RAPGEF5: variants seen among roughly 807,000 people sequenced by gnomAD.
RAPGEF5 encodes Rap guanine nucleotide exchange factor 5, also known as M-Ras-regulated GEF.
A neutral mutation model predicts 125.2 loss-of-function variants in RAPGEF5; 65 were observed. The ratio of observed to expected loss-of-function variants is 0.52; its 90% CI spans 0.43 to 0.64. RAPGEF5 has a LOEUF of 0.64. Among genes scored for constraint, RAPGEF5 ranks in the 30% least tolerant of loss-of-function variants. The probability of loss-of-function intolerance (pLI) is 0.00; values close to 1 mark genes in which losing one functional copy is unlikely to be tolerated. For missense variants in RAPGEF5, 958 were observed against 1,048.1 expected, an observed-to-expected ratio of 0.91 and a Z score of 1.19; for synonymous variants, 391 against 385.9, an observed-to-expected ratio of 1.01 and a Z score of -0.16.
chr7:22,262,361 G>C (rs1263446767), intron 7 of RAPGEF5, among the ~76,000 whole-genome samples: 1 of 151,860 alleles, frequency 6.6e-6, no homozygotes, highest in African/African-American at 2.4e-5. Context: ...ATGACGAAAA[G>C]GTATCACTAT....
At chr7:22,297,801 G>A (rs1562515367) in intron 5 of RAPGEF5, among the ~76,000 whole-genome samples, 1 of 152,180 alleles carries the variant, frequency 6.6e-6, no homozygotes, top group African/African-American at 2.4e-5. Context: ...TGGAAGAGGT[G>A]TACTAAGAGA....
chr7:22,256,845 T>C (rs1786774122), intron 7 of RAPGEF5, among the ~76,000 whole-genome samples: 1 of 152,222 alleles, frequency 6.6e-6, no homozygotes, highest in South Asian at 2.1e-4. Flanking sequence ...AGGATATCTG[T>C]GCAAATTTCT....
At chr7:22,293,877 A>C (rs1031448726) in intron 5 of RAPGEF5, among the ~76,000 whole-genome samples, 18 of 152,174 alleles carry the variant, frequency 1.2e-4, no homozygotes, top group African/African-American at 4.3e-4. Context: ...CCTCCTCCTC[A>C]GCTCTAGACT....
intron 23 of RAPGEF5, 64 bp downstream of exon 23, chr7:22,135,966 TGCCCTCAA>T: frequency 2.5e-6 from 3 of 1,212,580 alleles, no homozygotes; most frequent in Admixed American, 2.3e-5. Context: ...GTCCCTTTTT[TGCCCTCAA>T]TAGTTACAGT....
chr7:22,201,040 A>C (rs958677400), intron 9 of RAPGEF5, among the ~76,000 whole-genome samples: 2 of 152,208 alleles, frequency 1.3e-5, no homozygotes, highest in African/African-American at 2.4e-5. Context: ...GGTAGGTTTG[A>C]TGAAACTGAG....
chr7:22,197,897 G>GGGGT (rs1554327494), intron 9 of RAPGEF5, among the ~76,000 whole-genome samples: 1 of 145,990 alleles, frequency 6.8e-6, no homozygotes, highest in Admixed American at 6.8e-5. Flanking sequence ...TTTTTTTGGG[G>GGGGT]GGGGGTGGTA....
chr7:22,184,667 T>C (rs1421941254), intron 11 of RAPGEF5, among the ~76,000 whole-genome samples: 1 of 152,172 alleles, frequency 6.6e-6, no homozygotes, highest in Non-Finnish European at 1.5e-5. Flanking sequence ...ATGTTAATGA[T>C]CTTATGCTTC....
chr7:22,239,980 G>A (rs546030973), intron 7 of RAPGEF5, among the ~76,000 whole-genome samples: 32 of 151,944 alleles, frequency 2.1e-4, no homozygotes, highest in African/African-American at 6.3e-4. Flanking sequence ...AGGCCGAGGC[G>A]GGCGGATCAC....
At chr7:22,200,428 G>A (rs931891533) in intron 9 of RAPGEF5, among the ~76,000 whole-genome samples, 2 of 152,166 alleles carry the variant, frequency 1.3e-5, no homozygotes, top group African/African-American at 2.4e-5. Context: ...CGACCACAAA[G>A]GAGCTGGCCT....
At chr7:22,273,373 C>T (rs932296006) in intron 6 of RAPGEF5, among the ~76,000 whole-genome samples, 3 of 152,018 alleles carry the variant, frequency 2.0e-5, no homozygotes, top group Non-Finnish European at 2.9e-5. Flanking sequence ...CGCCCACCAC[C>T]GCGCCCGGCT....
At chr7:22,313,463 G>C (rs979864627) in intron 3 of RAPGEF5, among the ~76,000 whole-genome samples, 45 of 152,314 alleles carry the variant, frequency 3.0e-4, no homozygotes, top group Non-Finnish European at 4.0e-4. Context: ...AGCACTTCAT[G>C]TTTAAACCCA....
intron 15 of RAPGEF5, among the ~76,000 whole-genome samples, chr7:22,157,587 T>C (rs936339666): frequency 5.9e-5 from 9 of 152,208 alleles, no homozygotes; most frequent in Non-Finnish European, 8.8e-5. Context: ...ACTCCAGGGA[T>C]AGCAGGGAGT....
chr7:22,245,736 T>G (rs996217044), intron 7 of RAPGEF5, among the ~76,000 whole-genome samples: 2 of 152,128 alleles, frequency 1.3e-5, no homozygotes, highest in African/African-American at 4.8e-5. Flanking sequence ...TTATTCAAGA[T>G]AGTACTGGAA....
intron 2 of RAPGEF5, among the ~76,000 whole-genome samples, chr7:22,315,993 G>C (rs930907368): frequency 2.6e-5 from 4 of 152,156 alleles, no homozygotes; most frequent in Non-Finnish European, 5.9e-5. Flanking sequence ...TTCAACTGCA[G>C]AGTTCAAAGT....
At chr7:22,140,883 A>G (rs1255274919) in intron 20 of RAPGEF5, among the ~76,000 whole-genome samples, 1 of 152,214 alleles carries the variant, frequency 6.6e-6, no homozygotes, top group Non-Finnish European at 1.5e-5. Flanking sequence ...AGAGCATTAG[A>G]AAACAACCTC....
At chr7:22,172,898 C>T (rs1446387691) in intron 11 of RAPGEF5, among the ~76,000 whole-genome samples, 5 of 152,126 alleles carry the variant, frequency 3.3e-5, no homozygotes, top group Non-Finnish European at 4.4e-5. Flanking sequence ...AAGTGAATTA[C>T]CAAGAAAGCA....
intron 1 of RAPGEF5, among the ~76,000 whole-genome samples, chr7:22,339,056 A>G (rs1472320364): frequency 6.6e-6 from 1 of 152,222 alleles, no homozygotes; most frequent in East Asian, 1.9e-4. Context: ...CTAAGAGGCA[A>G]AACGATGGAG....
At chr7:22,209,452 T>C (rs1461960780) in intron 9 of RAPGEF5, among the ~76,000 whole-genome samples, 1 of 152,224 alleles carries the variant, frequency 6.6e-6, no homozygotes, top group Non-Finnish European at 1.5e-5. Context: ...ACATATCTTC[T>C]AAAATTCTAC....
At chr7:22,174,840 C>T (rs538610655) in intron 11 of RAPGEF5, among the ~76,000 whole-genome samples, 25 of 152,232 alleles carry the variant, frequency 1.6e-4, no homozygotes, top group African/African-American at 5.5e-4. Context: ...TGCTTTTAAA[C>T]TTGCTGAGCT....
Sources: allele counts gnomAD v4.1 joint callset (sites outside exome capture counted in the v4.1 genomes callset), GRCh38; gene constraint gnomAD v4.1.1; transcripts MANE v1.5; gene names NCBI Gene and HGNC (gene_info 2026-07-23, HGNC 2026-07-21).